The following SLC9A9 variants were observed in gnomAD, a reference collection of about 807,000 sequenced individuals.
SLC9A9 encodes the protein solute carrier family 9 member A9, also known as sodium/hydrogen exchanger 9.
A neutral mutation model predicts 77.8 loss-of-function variants in SLC9A9; 62 were observed. The ratio of observed to expected loss-of-function variants is 0.80; its 90% CI spans 0.65 to 0.98. The LOEUF is 0.98. Ranked by LOEUF, SLC9A9 falls within the 50% of genes least tolerant of loss-of-function variation. The pLI is 0.00. For missense variants in SLC9A9, 775 were observed against 774.9 expected (o/e 1.00, Z 0.00); for synonymous variants, 320 against 283.5 (o/e 1.13, Z -1.29).
chr3:143,779,275 A>G (rs2007794609), intron 4 of SLC9A9, among the ~76,000 whole-genome samples: 1 of 152,198 alleles, frequency 6.6e-6, no homozygotes, highest in Non-Finnish European at 1.5e-5. Context: ...GAGATCTAAG[A>G]ATTAGAATAA....
At chr3:143,481,025 C>A (rs1295920750) in intron 11 of SLC9A9, among the ~76,000 whole-genome samples, 2 of 152,198 alleles carry the variant, frequency 1.3e-5, no homozygotes, top group Non-Finnish European at 2.9e-5. Flanking sequence ...TAGCCTGATT[C>A]TTGACTGAGT....
intron 6 of SLC9A9, among the ~76,000 whole-genome samples, chr3:143,590,744 AG>A (rs938809040): frequency 2.0e-5 from 3 of 152,204 alleles, no homozygotes; most frequent in Non-Finnish European, 4.4e-5. Context: ...TTGTGAACAG[AG>A]GGTGTTTAAT....
intron 14 of SLC9A9, among the ~76,000 whole-genome samples, chr3:143,356,435 G>A (rs766649652): frequency 2.0e-5 from 3 of 152,152 alleles, no homozygotes; most frequent in Non-Finnish European, 4.4e-5. Context: ...GACTGCACAT[G>A]TTTCTAGATA....
intron 1 of SLC9A9, 29 bp from the exon 2 acceptor site, chr3:143,832,250 TGGA>T (rs777312340): frequency 6.3e-7 from 1 of 1,578,662 alleles, no homozygotes; most frequent in South Asian, 1.1e-5. Flanking sequence ...ATAATGGTAC[TGGA>T]GGAAGGCAAT....
chr3:143,443,871 T>C (rs78124152), intron 12 of SLC9A9, among the ~76,000 whole-genome samples: 1 of 152,136 alleles, frequency 6.6e-6, no homozygotes, highest in African/African-American at 2.4e-5. Context: ...ACAAATTCAA[T>C]AGACCCAGTT....
intron 9 of SLC9A9, among the ~76,000 whole-genome samples, chr3:143,500,870 A>G (rs956349098): frequency 3.3e-5 from 5 of 150,446 alleles, no homozygotes; most frequent in African/African-American, 1.3e-4. Context: ...GTACCACAAT[A>G]AAAATGTATA....
At chr3:143,681,974 C>T (rs554761152) in intron 5 of SLC9A9, among the ~76,000 whole-genome samples, 1 of 152,164 alleles carries the variant, frequency 6.6e-6, no homozygotes, top group Non-Finnish European at 1.5e-5. Context: ...CCACAGATTT[C>T]CACAACCCAA....
chr3:143,410,138 G>A (rs1311670666), intron 12 of SLC9A9, among the ~76,000 whole-genome samples: 4 of 152,186 alleles, frequency 2.6e-5, no homozygotes, highest in African/African-American at 9.6e-5. Context: ...TTGTAGTAGA[G>A]GAGAGGGTTG....
At chr3:143,784,827 G>C (rs768837871) in intron 4 of SLC9A9, among the ~76,000 whole-genome samples, 2 of 152,148 alleles carry the variant, frequency 1.3e-5, no homozygotes, top group Non-Finnish European at 2.9e-5. Flanking sequence ...TGTATTAGGA[G>C]GTAGGACCTT....
intron 5 of SLC9A9, among the ~76,000 whole-genome samples, chr3:143,681,845 A>T (rs2108773872): frequency 6.6e-6 from 1 of 152,224 alleles, no homozygotes; most frequent in South Asian, 2.1e-4. Context: ...AGTGATGGAG[A>T]AGCAGGTGGG....
chr3:143,381,889 T>C, intron 13 of SLC9A9, 171 bp downstream of exon 13: 1 of 771,066 alleles, frequency 1.3e-6, no homozygotes, highest in Non-Finnish European at 2.2e-6. Context: ...ATGCTAGAAG[T>C]TATCAACACC....
At chr3:143,686,179 T>C (rs557370987) in intron 5 of SLC9A9, among the ~76,000 whole-genome samples, 27 of 152,312 alleles carry the variant, frequency 1.8e-4, no homozygotes, top group Admixed American at 6.5e-4. Context: ...CACTTTGCCC[T>C]AGCAGTTTCT....
At chr3:143,466,038 GT>G (rs2035275227) in intron 12 of SLC9A9, among the ~76,000 whole-genome samples, 1 of 152,176 alleles carries the variant, frequency 6.6e-6, no homozygotes, top group African/African-American at 2.4e-5. Flanking sequence ...TACATTTGTG[GT>G]TGTATTCATT....
At chr3:143,471,793 A>G (rs550954301) in intron 11 of SLC9A9, among the ~76,000 whole-genome samples, 1 of 152,338 alleles carries the variant, frequency 6.6e-6, no homozygotes, top group Admixed American at 6.5e-5. Context: ...GAAATTTAGC[A>G]TCACCTTGGG....
intron 11 of SLC9A9, among the ~76,000 whole-genome samples, chr3:143,492,895 G>A (rs775643888): frequency 3.9e-5 from 6 of 152,184 alleles, no homozygotes; most frequent in South Asian, 2.1e-4. Context: ...TAGGAATCAC[G>A]TAAGGATCTC....
intron 9 of SLC9A9, chr3:143,503,366 T>C (rs2035958013): frequency 6.5e-6 from 2 of 307,946 alleles, no homozygotes; most frequent in African/African-American, 2.2e-5. Context: ...AAAGTGGTCA[T>C]TGAGAGCAAT....
chr3:143,369,589 C>G (rs1306674992), intron 13 of SLC9A9, among the ~76,000 whole-genome samples: 1 of 151,928 alleles, frequency 6.6e-6, no homozygotes, highest in Non-Finnish European at 1.5e-5. Context: ...ATACATGTAT[C>G]AAATTATCAT....
chr3:143,313,659 G>T (rs1208247278), intron 14 of SLC9A9, among the ~76,000 whole-genome samples: 1 of 152,150 alleles, frequency 6.6e-6, no homozygotes, highest in Non-Finnish European at 1.5e-5. Context: ...ACCATGTCCC[G>T]AGAGCGGTGG....
chr3:143,435,910 C>T (rs1370151295), intron 12 of SLC9A9, among the ~76,000 whole-genome samples: 3 of 152,202 alleles, frequency 2.0e-5, no homozygotes, highest in African/African-American at 7.2e-5. Flanking sequence ...AGGATTGCTA[C>T]CCTCCCTGCA....
Sources: gnomAD v4.1 joint callset for allele counts (sites outside exome capture counted in the v4.1 genomes callset) on GRCh38, gnomAD v4.1.1 for gene constraint, MANE v1.5 for transcripts, NCBI Gene and HGNC (gene_info 2026-07-23, HGNC 2026-07-21) for gene names.